HIF1A: variants seen among roughly 807,000 people sequenced by gnomAD.
HIF1A encodes the protein hypoxia inducible factor 1 subunit alpha, also known as hypoxia-inducible factor 1-alpha.
A neutral mutation model predicts 92.7 loss-of-function variants in HIF1A; 24 were observed. The ratio of observed to expected loss-of-function variants is 0.26; its 90% CI spans 0.19 to 0.36. The LOEUF is 0.36. HIF1A is among the 10% of genes least tolerant of loss of function. The pLI is 1.00. For missense variants in HIF1A, 799 were observed against 998.5 expected (o/e 0.80, Z 2.69); for synonymous variants, 319 against 338.7 (o/e 0.94, Z 0.64).
intron 4 of HIF1A, among the ~76,000 whole-genome samples, chr14:61,724,015 A>G (rs2044467171): frequency 6.6e-6 from 1 of 152,164 alleles, no homozygotes; most frequent in East Asian, 1.9e-4. Context: ...TATTTTCCAA[A>G]TAAATTCTAG....
intron 6 of HIF1A, among the ~76,000 whole-genome samples, chr14:61,728,980 T>C (rs1165993926): frequency 1.3e-5 from 2 of 151,542 alleles, no homozygotes; most frequent in Admixed American, 1.3e-4. Flanking sequence ...TTTAGAAGAC[T>C]GAAAAAAAAT....
intron 1 of HIF1A, among the ~76,000 whole-genome samples, chr14:61,717,493 C>CTCTA (rs1035228822): frequency 3.3e-5 from 5 of 152,092 alleles, no homozygotes; most frequent in African/African-American, 1.2e-4. Context: ...GGTTTGTCAA[C>CTCTA]TCTATATTAG....
intron 9 of HIF1A, 33 bp downstream of exon 9, chr14:61,737,142 G>A: frequency 6.8e-7 from 1 of 1,475,366 alleles, no homozygotes; most frequent in Non-Finnish European, 9.5e-7. Context: ...CCCCTAAATT[G>A]TGTCTGTTGC....
At chr14:61,721,850 A>G in intron 4 of HIF1A, 27 bp downstream of exon 4, 1 of 1,514,866 alleles carries the variant, frequency 6.6e-7, no homozygotes. Context: ...GTTTGATTTA[A>G]TGTGACAGGT....
intron 9 of HIF1A, 84 bp from the exon 10 acceptor site, chr14:61,738,003 G>A (rs939670805): frequency 6.0e-6 from 7 of 1,161,360 alleles, no homozygotes; most frequent in South Asian, 1.6e-5. Flanking sequence ...CTCCAGCCTG[G>A]GCAACAGAGC....
At chr14:61,743,212 C>T (rs1379243335) in intron 12 of HIF1A, among the ~76,000 whole-genome samples, 1 of 152,074 alleles carries the variant, frequency 6.6e-6, no homozygotes, top group African/African-American at 2.4e-5. Context: ...GCTGGGATTA[C>T]AGGCATGCAC....
intron 8 of HIF1A, among the ~76,000 whole-genome samples, chr14:61,735,210 C>T (rs1309916726): frequency 6.6e-6 from 1 of 152,158 alleles, no homozygotes; most frequent in Non-Finnish European, 1.5e-5. Flanking sequence ...CCAAGATAAA[C>T]ACTTGCCTAG....
At chr14:61,729,588 A>G (rs2044550487) in intron 6 of HIF1A, among the ~76,000 whole-genome samples, 1 of 152,204 alleles carries the variant, frequency 6.6e-6, no homozygotes, top group Non-Finnish European at 1.5e-5. Context: ...AAATGAATAT[A>G]GAAAAGCTAA....
Position 61,727,671 on chromosome 14 carries a change from A to C in HIF1A, c.773+16A>C. 6.4e-7 allele frequency: 1 copy of C among 1,568,770 alleles called. No individual in the cohort carries two copies. The highest frequency in any genetic ancestry group is 1.4e-5 in the African/African-American group (1 of 74,006). ...GTGATGAAAGGTAAATTAGATCTAA[A>C]ATGTGAATTTGAAATTTTTAATTAG... On this transcript the variant is annotated intron_variant, in intron 6 of 14. Coordinates refer to ENST00000337138, the MANE Select transcript of HIF1A (RefSeq NM_001530.4).
At position 61,747,065 on chromosome 14, in the gene HIF1A, G is replaced by C. The variant is rs1366526923; in HGVS notation, c.2461G>C (p.Ala821Pro). The change falls in exon 15 of 15, where the codon GCT (alanine) becomes CCT (proline). Residue 821 changes from alanine to proline, a missense_variant. Physicochemically the swap from Ala to Pro is conservative, Grantham distance 27. Around this residue, in one of 2 missense-constraint regions of HIF1A, gnomAD observed 283 missense variants for 277.5 expected, o/e 1.02. Coordinates refer to ENST00000337138, the MANE Select transcript of HIF1A (RefSeq NM_001530.4). ...ACTGCAGGGTGAAGAATTACTCAGA[G>C]CTTTGGATCAAGTTAACTGAGCTTT... ...NLLQGEELLR[A>P]LDQVN The C allele has an allele frequency of 1.2e-6, 2 of 1,610,026 alleles. No individual in the cohort carries two copies. The highest frequency in any genetic ancestry group is 1.7e-6 in the Non-Finnish European group (2 of 1,179,058).
At chr14:61,717,994 C>T (rs544012479) in intron 1 of HIF1A, among the ~76,000 whole-genome samples, 2 of 149,048 alleles carry the variant, frequency 1.3e-5, no homozygotes, top group African/African-American at 4.9e-5. Flanking sequence ...GCACTCCAGC[C>T]TGGGTGACAA....
chr14:61,724,349 T>TTCTCTCTCTCTCTCTCTCTC (rs147642291), intron 4 of HIF1A, among the ~76,000 whole-genome samples: 1,701 of 96,056 alleles, frequency 0.018, 121 homozygotes, highest in Non-Finnish European at 0.024. Flanking sequence ...CACACACACA[T>TTCTCTCTCTCTCTCTCTCTC]TCTCTCTCTC....
At chr14:61,703,003 C>G (rs555049732) in intron 1 of HIF1A, among the ~76,000 whole-genome samples, 1 of 152,212 alleles carries the variant, frequency 6.6e-6, no homozygotes, top group Admixed American at 6.5e-5. Context: ...ATGTTGGGTA[C>G]TTAACATAAT....
At chr14:61,730,460 A>T (rs1297862557) in intron 6 of HIF1A, among the ~76,000 whole-genome samples, 1 of 152,064 alleles carries the variant, frequency 6.6e-6, no homozygotes, top group Non-Finnish European at 1.5e-5. Context: ...CCCCCTACCT[A>T]CTTCTTCAGC....
intron 14 of HIF1A, 75 bp from the exon 15 acceptor site, chr14:61,746,859 T>G: frequency 8.3e-7 from 1 of 1,208,960 alleles, no homozygotes; most frequent in Non-Finnish European, 1.2e-6. Flanking sequence ...CTATGATACC[T>G]AACACATTGT....
Position 61,695,584 on chromosome 14 carries a change from C to T in HIF1A, c.-221C>T, listed in dbSNP as rs2044102929. On this transcript the variant is annotated 5_prime_UTR_variant, in exon 1 of 15. Coordinates refer to ENST00000337138, the MANE Select transcript of HIF1A (RefSeq NM_001530.4). ...TCGTCGCTTCGGCCAGTGTGTCGGG[C>T]TGGGCCCTGACAAGCCACCTGAGGA... is the stretch of plus-strand genomic sequence containing the variant. 1 of 593,720 alleles carries T rather than the reference C, an allele frequency of 1.7e-6. No individual in the cohort carries two copies. The highest frequency in any genetic ancestry group is 3.0e-6 in the Non-Finnish European group (1 of 335,494). The allele number at this position is 593,720 out of a possible 1,614,324, so 36.8% of individuals were successfully genotyped here.
At chr14:61,700,612 ATC>A (rs2044166702) in intron 1 of HIF1A, among the ~76,000 whole-genome samples, 2 of 152,084 alleles carry the variant, frequency 1.3e-5, no homozygotes, top group African/African-American at 4.8e-5. Flanking sequence ...GAGTCTGCAA[ATC>A]TCTCTTTGAA....
intron 1 of HIF1A, among the ~76,000 whole-genome samples, chr14:61,698,308 T>C (rs2044138835): frequency 6.6e-6 from 1 of 152,240 alleles, no homozygotes; most frequent in Non-Finnish European, 1.5e-5. Flanking sequence ...GTTAAGAGCA[T>C]AGGATCTAGA....
chr14:61,741,219 C>A, intron 12 of HIF1A, 31 bp downstream of exon 12: 7 of 1,431,952 alleles, frequency 4.9e-6, no homozygotes, highest in South Asian at 3.9e-5. Flanking sequence ...AGTTATAGTT[C>A]TTTTATTATT....
Sources: gnomAD v4.1 joint callset for allele counts (sites outside exome capture counted in the v4.1 genomes callset) on GRCh38, gnomAD v4.1.1 for gene constraint, gnomAD v4.1.1 regional missense constraint, MANE v1.5 for transcripts, NCBI Gene and HGNC (gene_info 2026-07-23, HGNC 2026-07-21) for gene names.